The following KCNQ5 variants were observed in gnomAD, a reference collection of about 807,000 sequenced individuals.
The protein encoded by KCNQ5 is potassium voltage-gated channel subfamily Q member 5.
In KCNQ5, 30 loss-of-function variants were observed where a neutral mutation model predicts 98.2. The ratio of observed to expected loss-of-function variants is 0.31; its 90% CI spans 0.23 to 0.41. The LOEUF is 0.41. Ranked by LOEUF, KCNQ5 falls within the 10% of genes least tolerant of loss-of-function variation. KCNQ5 has a pLI of 1.00. For synonymous variants in KCNQ5, 458 were observed against 449.4 expected, an observed-to-expected ratio of 1.02 and a Z score of -0.24; for missense variants, 835 against 1,182.5, an observed-to-expected ratio of 0.71 and a Z score of 4.31.
chr6:73,007,340 A>T (rs1251742393), intron 2 of KCNQ5, among the ~76,000 whole-genome samples: 2 of 151,690 alleles, frequency 1.3e-5, no homozygotes, highest in Non-Finnish European at 2.9e-5. Context: ...TTCAAATTTC[A>T]CTCCTGTCCA....
At chr6:73,129,017 T>C (rs1776111869) in intron 9 of KCNQ5, among the ~76,000 whole-genome samples, 3 of 152,204 alleles carry the variant, frequency 2.0e-5, no homozygotes, top group Admixed American at 2.0e-4. Flanking sequence ...ATTTATTTTC[T>C]GTTATTTCAA....
chr6:72,651,533 A>G (rs751813532), intron 1 of KCNQ5, among the ~76,000 whole-genome samples: 4 of 152,080 alleles, frequency 2.6e-5, no homozygotes, highest in Non-Finnish European at 4.4e-5. Flanking sequence ...TCATGCATAC[A>G]CTAGTATACT....
chr6:72,830,154 C>T lies in KCNQ5; in HGVS notation c.399-173754C>T, dbSNP rs533194530. Among the ~76,000 whole-genome samples the T allele has an allele frequency of 6.1e-3, 935 of 152,256 alleles. 8 individuals are homozygous for T. Among genetic ancestry groups the T allele is most frequent in the African/African-American group, 0.021 (888 of 41,556 alleles). ...AATCAATATCGTGAAAATGGCCATA[C>T]TGCCCAAGGTAATTTACAGATTCAA... On this transcript the variant is annotated intron_variant, in intron 1 of 13. Transcript: ENST00000370398.
At chr6:72,744,230 G>A (rs1341817681) in intron 1 of KCNQ5, among the ~76,000 whole-genome samples, 2 of 152,142 alleles carry the variant, frequency 1.3e-5, no homozygotes, top group South Asian at 2.1e-4. Context: ...GCATATCTAC[G>A]ATGAGATCTA....
At chr6:72,799,412 C>G (rs2154478556) in intron 1 of KCNQ5, among the ~76,000 whole-genome samples, 1 of 152,272 alleles carries the variant, frequency 6.6e-6, no homozygotes, top group African/African-American at 2.4e-5. Context: ...CTGGGTACTA[C>G]CATTTAGCCA....
intron 10 of KCNQ5, among the ~76,000 whole-genome samples, chr6:73,150,441 A>C (rs1003019868): frequency 1.4e-5 from 2 of 146,268 alleles, no homozygotes; most frequent in Admixed American, 6.8e-5. Context: ...AGTAATATTA[A>C]TATATATAAT....
intron 2 of KCNQ5, among the ~76,000 whole-genome samples, chr6:73,025,034 T>C (rs539759445): frequency 6.6e-6 from 1 of 152,356 alleles, no homozygotes; most frequent in Non-Finnish European, 1.5e-5. Context: ...AACTTCCTTA[T>C]TAATATTCTC....
intron 1 of KCNQ5, among the ~76,000 whole-genome samples, chr6:72,852,503 C>T (rs1777303477): frequency 6.7e-6 from 1 of 149,702 alleles, no homozygotes; most frequent in African/African-American, 2.5e-5. Flanking sequence ...GTGAAATAAG[C>T]CAGCCACAGA....
intron 1 of KCNQ5, among the ~76,000 whole-genome samples, chr6:72,801,770 G>C (rs1446833978): frequency 6.6e-6 from 1 of 152,128 alleles, no homozygotes; most frequent in Admixed American, 6.6e-5. Context: ...GGTACCGGTT[G>C]TTCCTTTCTA....
chr6:72,719,354 C>T (rs1328947152), intron 1 of KCNQ5, among the ~76,000 whole-genome samples: 2 of 152,208 alleles, frequency 1.3e-5, no homozygotes. Flanking sequence ...TAACTAGGCT[C>T]AGAAGCCCCT....
chr6:72,887,266 G>A (rs754275965), intron 1 of KCNQ5, among the ~76,000 whole-genome samples: 1 of 152,150 alleles, frequency 6.6e-6, no homozygotes, highest in Non-Finnish European at 1.5e-5. Flanking sequence ...GCAAGGAGAA[G>A]CAAGTCACAT....
chr6:72,807,525 T>G lies in KCNQ5; in HGVS notation c.398+184938T>G, dbSNP rs58173073. 2.4e-3 allele frequency among the ~76,000 whole-genome samples: 371 copies of G among 152,240 alleles called. 2 individuals carry two copies. The highest frequency in any genetic ancestry group is 8.8e-3 in the African/African-American group (364 of 41,542). ...ATGATTATTATCATTATTATTTGTTTTAGTGACAGAGTTTTGCTCCATCAC... is the reference window on the plus strand; with the variant it reads ...ATGATTATTATCATTATTATTTGTTGTAGTGACAGAGTTTTGCTCCATCAC... On this transcript the variant is annotated intron_variant, in intron 1 of 13. Coordinates refer to ENST00000370398, the MANE Select transcript of KCNQ5 (RefSeq NM_019842.4).
At position 73,186,226 on chromosome 6, in the gene KCNQ5, C is replaced by CAA. The variant is rs573218640; in HGVS notation, c.1578-4336_1578-4335dup. Among the ~76,000 whole-genome samples, 20 of 136,208 alleles carry CAA rather than the reference C, an allele frequency of 1.5e-4. 1 individual carries two copies. The South Asian group carries it at 4.4e-3, about 30-fold the overall frequency. 89.4% of individuals were successfully genotyped at this position (136,208 alleles called of 152,430 possible). On this transcript the variant is annotated intron_variant, in intron 11 of 13. Coordinates refer to ENST00000370398, the MANE Select transcript of KCNQ5 (RefSeq NM_019842.4). ...GGCGTGACAGAGTGAGACCTTGTCT[C>CAA]AAAAAAAAAAAAGAGAAAAAGAAAG...
At chr6:72,870,930 T>C (rs1178287456) in intron 1 of KCNQ5, among the ~76,000 whole-genome samples, 1 of 152,190 alleles carries the variant, frequency 6.6e-6, no homozygotes, top group Non-Finnish European at 1.5e-5. Flanking sequence ...GCTTCAGTTT[T>C]CTTGTGTTAA....
In KCNQ5 at chr6:72,805,329, A is replaced by C. The variant is rs192504907; in HGVS notation, c.398+182742A>C. ...AGACTTAAGCGTTTAACGGATTCTG[A>C]TTTGATTTTCACATATAGCAGGAGA... On this transcript the variant is annotated intron_variant, in intron 1 of 13. Transcript: ENST00000370398. Among the ~76,000 whole-genome samples the C allele has an allele frequency of 7.2e-5, 11 of 152,146 alleles. No individual in the cohort carries two copies. The East Asian group carries it at 1.9e-3, about 27-fold the overall frequency.
At chr6:73,185,588 T>TG (rs1778543110) in intron 11 of KCNQ5, among the ~76,000 whole-genome samples, 2 of 152,124 alleles carry the variant, frequency 1.3e-5, no homozygotes, top group East Asian at 3.9e-4. Context: ...CTAGGGTTTT[T>TG]GTGGACCTAC....
At chr6:73,162,011 C>T (rs1016438796) in intron 10 of KCNQ5, among the ~76,000 whole-genome samples, 1 of 151,962 alleles carries the variant, frequency 6.6e-6, no homozygotes, top group Admixed American at 6.6e-5. Flanking sequence ...CCTTCTCCCA[C>T]GTTCAAGCAA....
intron 1 of KCNQ5, among the ~76,000 whole-genome samples, chr6:72,895,981 A>AT (rs199508932): frequency 5.7e-4 from 86 of 152,036 alleles, no homozygotes; most frequent in East Asian, 2.9e-3. Context: ...CTGTAGAAGG[A>AT]TTTTTTTTAT....
intron 1 of KCNQ5, among the ~76,000 whole-genome samples, chr6:72,945,844 T>G (rs1431843242): frequency 6.6e-6 from 1 of 152,142 alleles, no homozygotes; most frequent in African/African-American, 2.4e-5. Context: ...AGAATATTCT[T>G]AAGAGACTGA....
Sources: allele counts gnomAD v4.1 joint callset (sites outside exome capture counted in the v4.1 genomes callset), GRCh38; gene constraint gnomAD v4.1.1; transcripts MANE v1.5; gene names NCBI Gene and HGNC (gene_info 2026-07-23, HGNC 2026-07-21).